The following CPS1 variants were observed in gnomAD, a reference collection of about 807,000 sequenced individuals.
CPS1 encodes carbamoyl-phosphate synthase 1.
CPS1 carries 109 observed loss-of-function variants against 174.6 expected under a neutral mutation model. That is an observed-to-expected ratio of 0.62 (90% confidence interval 0.53 to 0.73). The LOEUF (loss-of-function observed/expected upper bound fraction) is 0.73. Ranked by LOEUF, CPS1 falls within the 30% of genes least tolerant of loss-of-function variation. CPS1 has a pLI of 0.00. For missense variants in CPS1, 1,689 were observed against 1,821.9 expected (o/e 0.93, Z 1.33); for synonymous variants, 637 against 632.0 (o/e 1.01, Z -0.12).
intron 1 of CPS1, among the ~76,000 whole-genome samples, chr2:210,523,504 A>G (rs1695883579): frequency 6.6e-6 from 1 of 151,702 alleles, no homozygotes; most frequent in Non-Finnish European, 1.5e-5. Context: ...CTACCCTCCC[A>G]CCTTTCCGAG....
At chr2:210,529,328 T>A (rs1375880220) in intron 1 of CPS1, among the ~76,000 whole-genome samples, 1 of 152,016 alleles carries the variant, frequency 6.6e-6, no homozygotes, top group Non-Finnish European at 1.5e-5. Flanking sequence ...CCACTTTCTC[T>A]TGGGACTTGT....
intron 5 of CPS1, among the ~76,000 whole-genome samples, chr2:210,581,629 G>A (rs1697926155): frequency 1.3e-5 from 2 of 152,162 alleles, no homozygotes; most frequent in South Asian, 4.1e-4. Flanking sequence ...ACCATGAAAT[G>A]TAGTAATCTA....
At chr2:210,503,949 C>T (rs1695213352) in intron 1 of CPS1, among the ~76,000 whole-genome samples, 1 of 152,182 alleles carries the variant, frequency 6.6e-6, no homozygotes, top group Non-Finnish European at 1.5e-5. Flanking sequence ...TGGAAGACCA[C>T]ATAGCACATT....
At chr2:210,612,077 G>T in intron 19 of CPS1, 40 bp from the exon 20 acceptor site, 3 of 1,565,524 alleles carry the variant, frequency 1.9e-6, no homozygotes, top group Non-Finnish European at 1.8e-6. Context: ...AGATACATAA[G>T]CTCTTTCTTT....
chr2:210,668,952 T>G (rs1407901054), intron 34 of CPS1, among the ~76,000 whole-genome samples: 1 of 152,196 alleles, frequency 6.6e-6, no homozygotes, highest in Non-Finnish European at 1.5e-5. Context: ...GTTGAATACA[T>G]TGATGTTATT....
intron 1 of CPS1, among the ~76,000 whole-genome samples, chr2:210,486,990 A>G (rs1694748583): frequency 6.6e-6 from 1 of 151,748 alleles, no homozygotes. Flanking sequence ...CCTTTTATTT[A>G]TTTATTTATT....
intron 5 of CPS1, among the ~76,000 whole-genome samples, chr2:210,580,149 G>T (rs1434701679): frequency 6.6e-6 from 1 of 152,106 alleles, no homozygotes; most frequent in Non-Finnish European, 1.5e-5. Flanking sequence ...AAACCTACAT[G>T]CTGAAAAATA....
At chr2:210,550,402 G>A (rs1033862705) in intron 1 of CPS1, among the ~76,000 whole-genome samples, 1 of 151,908 alleles carries the variant, frequency 6.6e-6, no homozygotes, top group African/African-American at 2.4e-5. Flanking sequence ...GATGAACATT[G>A]CCTAAGACTT....
intron 5 of CPS1, 102 bp from the exon 6 acceptor site, chr2:210,582,515 C>A: frequency 1.2e-6 from 1 of 834,512 alleles, no homozygotes; most frequent in African/African-American, 1.7e-5. Context: ...GTTATAAAGA[C>A]ATCTAAGTCT....
rs779380891 is a variant in CPS1, at chr2:210,577,447, T to C, written c.408T>C (p.Tyr136=). ...TTTCAGGTTTGCTGGTGCTGGATTA[T>C]AGTAAAGACTACAACCACTGGCTGG... ...IKVSGLLVLD[Y]SKDYNHWLAT... The change falls in exon 4 of 38, where the codon TAT becomes TAC. Residue 136 remains tyrosine, a synonymous_variant. Transcript: ENST00000233072. 3 of 1,613,774 alleles carry C rather than the reference T, an allele frequency of 1.9e-6. No homozygotes were observed. The highest frequency in any genetic ancestry group is 1.1e-5 in the South Asian group (1 of 91,082).
At chr2:210,590,058 G>T (rs780975608) in intron 7 of CPS1, 48 bp from the exon 8 acceptor site, 4 of 1,610,584 alleles carry the variant, frequency 2.5e-6, no homozygotes, top group African/African-American at 1.3e-5. Context: ...TTATACTTTG[G>T]CAAAGAAACA....
At chr2:210,584,905 G>A (rs1021954083) in intron 6 of CPS1, among the ~76,000 whole-genome samples, 6 of 152,142 alleles carry the variant, frequency 3.9e-5, no homozygotes, top group African/African-American at 1.4e-4. Context: ...TACAAGGCCT[G>A]AATATGTTTG....
chr2:210,513,252 TA>T (rs1318236556), intron 1 of CPS1, among the ~76,000 whole-genome samples: 1 of 150,944 alleles, frequency 6.6e-6, no homozygotes, highest in Non-Finnish European at 1.5e-5. Context: ...GAGAAATCTC[TA>T]AACTGCTTTC....
chr2:210,480,383 G>A (rs1181331970), intron 1 of CPS1, among the ~76,000 whole-genome samples: 1 of 152,208 alleles, frequency 6.6e-6, no homozygotes, highest in Non-Finnish European at 1.5e-5. Flanking sequence ...AATGAAAGAA[G>A]GGGAAGACTG....
At chr2:210,637,893 G>A (rs1175069839) in intron 22 of CPS1, 50 bp downstream of exon 22, 1 of 1,601,800 alleles carries the variant, frequency 6.2e-7, no homozygotes, top group Non-Finnish European at 8.5e-7. Flanking sequence ...GATTTCTGTG[G>A]TAAAACGTAG....
intron 27 of CPS1, 148 bp downstream of exon 27, chr2:210,648,688 C>A (rs530063199): frequency 6.5e-5 from 48 of 740,010 alleles, no homozygotes; most frequent in South Asian, 6.2e-4. Flanking sequence ...AGTTTAAGGA[C>A]CAATGTGTGG....
intron 7 of CPS1, 118 bp from the exon 8 acceptor site, chr2:210,589,988 A>G (rs1438268998): frequency 6.6e-6 from 9 of 1,371,198 alleles, no homozygotes; most frequent in Non-Finnish European, 9.3e-6. Flanking sequence ...TTTATTTTAA[A>G]TGTTTACAAA....
At chr2:210,610,962 A>C (rs979008818) in intron 19 of CPS1, among the ~76,000 whole-genome samples, 2 of 151,948 alleles carry the variant, frequency 1.3e-5, no homozygotes, top group Non-Finnish European at 2.9e-5. Flanking sequence ...TAATACTTCA[A>C]ATTTTCTTAA....
chr2:210,607,044 C>T (rs1020634812), intron 18 of CPS1, 103 bp downstream of exon 18: 3 of 1,042,970 alleles, frequency 2.9e-6, no homozygotes, highest in Admixed American at 2.1e-5. Flanking sequence ...AACTATGTTC[C>T]CTTTTTCTGT....
Sources: gnomAD v4.1 joint callset for allele counts (sites outside exome capture counted in the v4.1 genomes callset) on GRCh38, gnomAD v4.1.1 for gene constraint, MANE v1.5 for transcripts, NCBI Gene and HGNC (gene_info 2026-07-23, HGNC 2026-07-21) for gene names.